The following PSMD6 variants were observed in gnomAD, a reference collection of about 807,000 sequenced individuals.
PSMD6 encodes 26S proteasome non-ATPase regulatory subunit 6.
A neutral mutation model predicts 44.9 loss-of-function variants in PSMD6; 7 were observed. That is an observed-to-expected ratio of 0.16 (90% CI 0.09 to 0.29). PSMD6 has a LOEUF of 0.29. Ranked by LOEUF, PSMD6 falls within the 10% of genes least tolerant of loss-of-function variation. The pLI, the probability that PSMD6 is intolerant of heterozygous loss-of-function variation, is 1.00. For synonymous variants in PSMD6, 184 were observed against 172.7 expected (o/e 1.07, Z -0.51); for missense variants, 420 against 482.6 (o/e 0.87, Z 1.21).
intron 5 of PSMD6, 30 bp downstream of exon 5, chr3:64,018,569 G>C (rs1263083230): frequency 3.2e-5 from 47 of 1,460,674 alleles, no homozygotes; most frequent in Non-Finnish European, 4.3e-5. Context: ...GATGAAGACA[G>C]ATAATCAAAA....
intron 5 of PSMD6, chr3:64,014,829 T>G (rs2076017972): frequency 6.6e-6 from 1 of 152,228 alleles, no homozygotes; most frequent in African/African-American, 2.4e-5. Context: ...GCTGGCGACA[T>G]GAATTTGTCC....
intron 1 of PSMD6, chr3:64,023,041 C>A: frequency 7.0e-7 from 1 of 1,428,340 alleles, no homozygotes; most frequent in Non-Finnish European, 9.1e-7. Flanking sequence ...CTCCCCCAAG[C>A]TGCCCTTACA....
upstream of PSMD6, chr3:64,023,618 G>C: frequency 1.4e-6 from 2 of 1,417,380 alleles, no homozygotes; most frequent in Non-Finnish European, 1.8e-6. Context: ...TGTGGTCACG[G>C]GGGCTTTTCC....
Position 64,010,673 on chromosome 3 carries a change from T to TATTAATTACTCTG in PSMD6, c.1152_1164dup (p.Met389GlnfsTer4). 1 of 1,581,796 alleles carries TATTAATTACTCTG rather than the reference T, an allele frequency of 6.3e-7. No individual in the cohort carries two copies. Among genetic ancestry groups the TATTAATTACTCTG allele is most frequent in the Non-Finnish European group, 8.7e-7 (1 of 1,153,724 alleles). On this transcript the variant is annotated stop_gained and frameshift_variant, in exon 8 of 8. Coordinates refer to ENST00000295901, the MANE Select transcript of PSMD6 (RefSeq NM_014814.3). LOFTEE classifies it high-confidence loss of function. ...CCTTTGTTAGTTACATGGCTTTACA[T>TATTAATTACTCTG]ATTAATTACTCTGGAAAGTTTTTGA...
chr3:64,013,839 G>C (rs2076001747), intron 5 of PSMD6: 2 of 365,258 alleles, frequency 5.5e-6, no homozygotes, highest in Non-Finnish European at 9.8e-6. Context: ...ATCACTATCA[G>C]AGCTCAGCTT....
At chr3:64,024,005 T>G (rs2076177399), upstream of PSMD6, 1 of 465,954 alleles carries the variant, frequency 2.1e-6, no homozygotes, top group Admixed American at 4.0e-5. Flanking sequence ...CCACATTCTT[T>G]CTGCGGTTTT....
chr3:64,023,510 C>A, upstream of PSMD6: 2 of 1,444,418 alleles, frequency 1.4e-6, no homozygotes, highest in Non-Finnish European at 1.8e-6. Flanking sequence ...ATACGCCCGG[C>A]CGCCTGCGGC....
chr3:64,016,951 C>A (rs1282447624), intron 5 of PSMD6: 1 of 152,154 alleles, frequency 6.6e-6, no homozygotes, highest in Non-Finnish European at 1.5e-5. Context: ...TATATACATA[C>A]AACAGACTAT....
chr3:64,010,599 A>G lies in PSMD6; in HGVS notation c.*69T>C. ...TATTTTATACAGCTGACCTGGGCAC[A>G]TTGTGAAGTAAGCTATAAAAATTCC... On this transcript the variant is annotated 3_prime_UTR_variant, in exon 8 of 8. Transcript: ENST00000295901. 1.7e-6 allele frequency: 2 copies of G among 1,156,404 alleles called. No individual in the cohort carries two copies. Among genetic ancestry groups the G allele is most frequent in the East Asian group, 2.4e-5 (1 of 40,976 alleles). 71.6% of individuals were successfully genotyped at this position (1,156,404 alleles called of 1,614,324 possible).
intron 6 of PSMD6, 128 bp downstream of exon 6, chr3:64,013,311 G>T: frequency 1.0e-6 from 1 of 954,226 alleles, no homozygotes; most frequent in Non-Finnish European, 1.5e-6. Flanking sequence ...TAATACTGAG[G>T]AAAAAAACCT....
chr3:64,015,720 CT>C (rs2076032760), intron 5 of PSMD6: 1 of 152,152 alleles, frequency 6.6e-6, no homozygotes, highest in Admixed American at 6.5e-5. Flanking sequence ...AACAGTGCCC[CT>C]GAAGGACACA....
rs2076088223 is a variant in PSMD6 at position 64,018,813 on chromosome 3, A to G, written c.717+5T>C. The G allele has an allele frequency of 1.3e-6, 2 of 1,566,908 alleles. No homozygotes were observed. Among genetic ancestry groups the G allele is most frequent in the Admixed American group, 1.7e-5 (1 of 59,636 alleles). ...TAAATTTGAGTATTAAAGTTTGGTC[A>G]TTACCTTTTCCCTGAGATCTGGTCT... is the stretch of plus-strand genomic sequence containing the variant. On this transcript the variant is annotated splice_donor_5th_base_variant and intron_variant, in intron 4 of 7. Transcript: ENST00000295901.
chr3:64,018,609 G>A lies in PSMD6; in HGVS notation c.816C>T (p.Phe272=), dbSNP rs139546564. Residue 272 remains phenylalanine, a synonymous_variant, in exon 5 of 8, where the codon TTC becomes TTT. Coordinates refer to ENST00000295901, the MANE Select transcript of PSMD6 (RefSeq NM_014814.3). ...SLYECRYSVF[F]QSLAVVEQEM... ...CAACCCTATCCTTACCTAATGATTG[G>A]AAGAAAACAGAGTAACGGCATTCAT... 1.9e-6 allele frequency: 3 copies of A among 1,562,470 alleles called. No individual in the cohort carries two copies. The highest frequency in any genetic ancestry group is 2.7e-5 in the African/African-American group (2 of 73,760).
intron 5 of PSMD6, chr3:64,015,660 T>C (rs1382264128): frequency 6.6e-6 from 1 of 152,162 alleles, no homozygotes; most frequent in Non-Finnish European, 1.5e-5. Context: ...AAACAGCATA[T>C]AAAATACATC....
chr3:64,013,582 C>G lies in PSMD6; in HGVS notation c.852G>C (p.Lys284Asn), dbSNP rs1234012812. 1 of 1,608,480 alleles carries G rather than the reference C, an allele frequency of 6.2e-7. No homozygotes were observed. The highest frequency in any genetic ancestry group is 1.7e-5 in the Admixed American group (1 of 58,618). ...SLAVVEQEMK[K>N]DWLFAPHYRY... ...GATAATGAGGGGCAAAAAGCCAGTC[C>G]TTTTTCATTTCCTGTTCCACAACCG... Residue 284 changes from lysine (K) to asparagine (N), a missense_variant, in exon 6 of 8, where the codon AAG (lysine) becomes AAC (asparagine). Transcript: ENST00000295901.
intron 5 of PSMD6, chr3:64,018,318 T>C (rs1170093950): frequency 1.7e-5 from 4 of 238,588 alleles, no homozygotes; most frequent in Admixed American, 1.0e-4. Context: ...GTAAGTATTT[T>C]TAGGCTTTGC....
Position 64,010,702 on chromosome 3 carries a change from C to CT in PSMD6, c.1135dup (p.Arg379LysfsTer10), listed in dbSNP as rs1160179021. The CT allele has an allele frequency of 6.2e-7, 1 of 1,609,356 alleles. No homozygotes were observed. The highest frequency in any genetic ancestry group is 8.5e-7 in the Non-Finnish European group (1 of 1,176,346). ...AATTACTCTGGAAAGTTTTTGAACT[C>CT]TGTTTAGTAGCAGATCTCCTTTCTT... On this transcript the variant is annotated frameshift_variant, in exon 8 of 8. Coordinates refer to ENST00000295901, the MANE Select transcript of PSMD6 (RefSeq NM_014814.3). LOFTEE classifies it high-confidence loss of function.
intron 6 of PSMD6, chr3:64,012,435 A>G (rs567405157): frequency 6.6e-6 from 1 of 152,268 alleles, no homozygotes; most frequent in Non-Finnish European, 1.5e-5. Context: ...AAGAGCTACT[A>G]AACAGCACAA....
chr3:64,023,558 G>T, upstream of PSMD6: 1 of 1,420,476 alleles, frequency 7.0e-7, no homozygotes, highest in Non-Finnish European at 9.2e-7. Flanking sequence ...AGCGTCCTCT[G>T]CTGGACACCT....
Sources: allele counts gnomAD v4.1 joint callset, GRCh38; gene constraint gnomAD v4.1.1; transcripts MANE v1.5; gene names NCBI Gene and HGNC (gene_info 2026-07-23, HGNC 2026-07-21).